Variants in GPR37 observed in about 807,000 individuals in gnomAD.
GPR37 encodes prosaposin receptor GPR37.
A neutral mutation model predicts 43.6 loss-of-function variants in GPR37; 20 were observed. The observed-to-expected ratio is 0.46, with a 90% CI of 0.32 to 0.67. The LOEUF is 0.67. Among genes scored for constraint, GPR37 ranks in the 30% least tolerant of loss-of-function variants. GPR37 has a pLI of 0.03. For missense variants in GPR37, 724 were observed against 797.2 expected (o/e 0.91, Z 1.11); for synonymous variants, 315 against 322.6 (o/e 0.98, Z 0.25).
At chr7:124,761,206 C>G (rs959299677) in intron 1 of GPR37, among the ~76,000 whole-genome samples, 1 of 151,606 alleles carries the variant, frequency 6.6e-6, no homozygotes, top group African/African-American at 2.4e-5. Context: ...GGTTTTCCAC[C>G]CAGACAGCTC....
chr7:124,759,577 T>C (rs1793829608), intron 1 of GPR37, among the ~76,000 whole-genome samples: 1 of 152,208 alleles, frequency 6.6e-6, no homozygotes, highest in Non-Finnish European at 1.5e-5. Flanking sequence ...CTGATGTGTC[T>C]AGGAGGACGG....
Position 124,758,031 on chromosome 7 carries a change from T to A in GPR37, c.1023+5923A>T, listed in dbSNP as rs1186193266. 2.6e-5 allele frequency among the ~76,000 whole-genome samples: 4 copies of A among 152,292 alleles called. No homozygotes were observed. The South Asian group carries it at 6.2e-4, about 24-fold the overall frequency. On this transcript the variant is annotated intron_variant, in intron 1 of 1. Coordinates refer to ENST00000303921, the MANE Select transcript of GPR37 (RefSeq NM_005302.5). ...AAAGCTGAATGCCAGACAATATCTA[T>A]AGAAGGGAAGTTAAAAAATCAATTT...
At position 124,764,731 on chromosome 7, in the gene GPR37, C is replaced by T. The variant is rs990289975; in HGVS notation, c.246G>A (p.Ala82=). 1 of 1,609,306 alleles carries T rather than the reference C, an allele frequency of 6.2e-7. No individual in the cohort carries two copies. Among genetic ancestry groups the T allele is most frequent in the Non-Finnish European group, 8.5e-7 (1 of 1,179,394 alleles). ...CCGCCGGCAGGTCCCAGGAGGGTCC[C>T]GCAAGAAACGCTGCCCCCTGCTCCT... is the stretch of plus-strand genomic sequence containing the variant. ...PREEQGAAFL[A]GPSWDLPAAP... The change falls in exon 1 of 2, where the codon GCG becomes GCA. Residue 82 remains alanine, a synonymous_variant. Transcript: ENST00000303921. The surrounding 1 kb of genome is among the most constrained non-coding windows in gnomAD (Gnocchi z 5.4).
intron 1 of GPR37, among the ~76,000 whole-genome samples, chr7:124,750,819 C>A (rs927748486): frequency 6.6e-6 from 1 of 152,084 alleles, no homozygotes; most frequent in African/African-American, 2.4e-5. Context: ...AATGTTTTTC[C>A]AGGTTCTTTA....
intron 1 of GPR37, among the ~76,000 whole-genome samples, chr7:124,759,511 A>G (rs1452188779): frequency 6.6e-6 from 1 of 152,170 alleles, no homozygotes; most frequent in African/African-American, 2.4e-5. Context: ...CTACATATAC[A>G]AGTTTTGTTT....
Position 124,763,961 on chromosome 7 carries a change from T to G in GPR37, c.1016A>C (p.Tyr339Ser). 6.2e-7 allele frequency: 1 copy of G among 1,613,808 alleles called. No individual in the cohort carries two copies. Among genetic ancestry groups the G allele is most frequent in the Non-Finnish European group, 8.5e-7 (1 of 1,179,992 alleles). Reference protein sequence around the residue: ...LEDFSCKIVPYIEVASLGVTT... With the variant: ...LEDFSCKIVPSIEVASLGVTT... ...GCCCCTGGAAGGCATTACCTCTATA[T>G]AGGGCACGATCTTGCAGGAGAAGTC... Residue 339 changes from tyrosine (Y) to serine (S), a missense_variant, in exon 1 of 2, where the codon TAT (tyrosine) becomes TCT (serine). Physicochemically the swap from Tyr to Ser is moderately radical, Grantham distance 144 (BLOSUM62 -2). Around this residue, in one of 2 missense-constraint regions of GPR37, gnomAD observed 342 missense variants for 441.8 expected, o/e 0.77. Transcript: ENST00000303921.
chr7:124,754,451 C>T (rs576688222), intron 1 of GPR37, among the ~76,000 whole-genome samples: 4 of 152,102 alleles, frequency 2.6e-5, no homozygotes, highest in Admixed American at 2.6e-4. Context: ...TAAATTGTGT[C>T]TTTCGCAAAA....
chr7:124,753,140 CT>C (rs1008139160), intron 1 of GPR37, among the ~76,000 whole-genome samples: 106 of 151,978 alleles, frequency 7.0e-4, no homozygotes, highest in African/African-American at 2.2e-3. Context: ...GATAAATTTT[CT>C]CTTATAATGA....
chr7:124,755,390 C>A (rs974472523), intron 1 of GPR37, among the ~76,000 whole-genome samples: 8 of 152,110 alleles, frequency 5.3e-5, no homozygotes, highest in Non-Finnish European at 1.0e-4. Context: ...CTTCTTTTGC[C>A]TAAGCTTGAT....
At chr7:124,752,159 G>C (rs962404772) in intron 1 of GPR37, among the ~76,000 whole-genome samples, 1 of 152,076 alleles carries the variant, frequency 6.6e-6, no homozygotes, top group African/African-American at 2.4e-5. Context: ...GTGAGGCTTT[G>C]GACACCAAAG....
intron 1 of GPR37, among the ~76,000 whole-genome samples, chr7:124,760,952 T>G (rs148615204): frequency 0.014 from 2,114 of 152,090 alleles, 22 homozygotes; most frequent in Middle Eastern, 0.031. Context: ...GGTCAGGAGA[T>G]CAAGACCATC....
intron 1 of GPR37, among the ~76,000 whole-genome samples, chr7:124,752,123 C>T (rs962168429): frequency 6.6e-6 from 1 of 152,104 alleles, no homozygotes; most frequent in Non-Finnish European, 1.5e-5. Context: ...GCTCCTTCAG[C>T]TCCCACCCAG....
rs373877392 is a variant in GPR37 at position 124,764,319 on chromosome 7, C to G, written c.658G>C (p.Ala220Pro). ...WTIALPGRAL[A>P]QNGSLGEGIH... ...CCTTCACCCAAGGATCCATTCTGGGCCAGCGCCCGGCCCGGGAGTGCAATT... is the reference window on the plus strand; with the variant it reads ...CCTTCACCCAAGGATCCATTCTGGGGCAGCGCCCGGCCCGGGAGTGCAATT... The change falls in exon 1 of 2, where the codon GCC becomes CCC. Residue 220 changes from alanine to proline, a missense_variant. This residue lies in a region of GPR37 where 382 missense variants were observed against 355.4 expected (regional missense o/e 1.07). Coordinates refer to ENST00000303921, the MANE Select transcript of GPR37 (RefSeq NM_005302.5). The surrounding 1 kb of genome is among the most constrained non-coding windows in gnomAD (Gnocchi z 5.4). The G allele has an allele frequency of 2.5e-6, 4 of 1,610,322 alleles. No homozygotes were observed. Among genetic ancestry groups the G allele is most frequent in the Non-Finnish European group, 3.4e-6 (4 of 1,178,210 alleles).
rs977610692 is a variant in GPR37, at chr7:124,746,186, A to G, written c.*339T>C. 6 of 174,186 alleles carry G rather than the reference A, an allele frequency of 3.4e-5. No individual in the cohort carries two copies. The highest frequency in any genetic ancestry group is 2.5e-4 in the Admixed American group (4 of 16,262). 10.8% of individuals were successfully genotyped at this position (174,186 alleles called of 1,614,324 possible). A position where few individuals can be genotyped will look rare whatever the true frequency, so the allele number is the denominator to read the frequency against. The stretch of plus-strand genomic sequence containing the variant: ...AATATAAAATAACCTACAAAATCAC[A>G]TTGCTATAATCAATATACAATAATT... On this transcript the variant is annotated 3_prime_UTR_variant, in exon 2 of 2. Transcript: ENST00000303921.
rs1421388330 is a variant in GPR37, at chr7:124,744,371, A to G, written c.*2154T>C. ...TTTCAAAACATGGTCCTATTATTAGATGGCCTTGGTGCATATTTTCTTTAA... is the reference window on the plus strand; with the variant it reads ...TTTCAAAACATGGTCCTATTATTAGGTGGCCTTGGTGCATATTTTCTTTAA... On this transcript the variant is annotated 3_prime_UTR_variant, in exon 2 of 2. Coordinates refer to ENST00000303921, the MANE Select transcript of GPR37 (RefSeq NM_005302.5). 1 of 152,194 alleles carries G rather than the reference A, an allele frequency of 6.6e-6. No individual in the cohort carries two copies. The highest frequency in any genetic ancestry group is 1.5e-5 in the Non-Finnish European group (1 of 68,032). 9.4% of individuals were successfully genotyped at this position (152,194 alleles called of 1,614,324 possible).
At chr7:124,751,971 A>G (rs578065570) in intron 1 of GPR37, among the ~76,000 whole-genome samples, 3 of 151,942 alleles carry the variant, frequency 2.0e-5, no homozygotes, top group Non-Finnish European at 4.4e-5. Flanking sequence ...AATTTTAACT[A>G]TTGGGGAAAA....
intron 1 of GPR37, among the ~76,000 whole-genome samples, chr7:124,762,029 A>G (rs1793857016): frequency 6.6e-6 from 1 of 152,156 alleles, no homozygotes; most frequent in Non-Finnish European, 1.5e-5. Context: ...AAGCAAAAAT[A>G]CAGAAAGTAA....
At chr7:124,749,929 CCA>C (rs1793713693) in intron 1 of GPR37, among the ~76,000 whole-genome samples, 1 of 152,060 alleles carries the variant, frequency 6.6e-6, no homozygotes, top group South Asian at 2.1e-4. Flanking sequence ...AAAATAATCT[CCA>C]CTTTCATCTT....
Position 124,756,401 on chromosome 7 carries a change from A to G in GPR37, c.1023+7553T>C, listed in dbSNP as rs1409715043. 6.6e-5 allele frequency among the ~76,000 whole-genome samples: 10 copies of G among 152,300 alleles called. No homozygotes were observed. The South Asian group carries it at 2.1e-3, about 32-fold the overall frequency. On this transcript the variant is annotated intron_variant, in intron 1 of 1. Coordinates refer to ENST00000303921, the MANE Select transcript of GPR37 (RefSeq NM_005302.5). Reference sequence around the variant, plus strand: ...CACTGAAAACTATTACAAATTCACAAATGGAAAGTATTCTGTCTCAAGAAC... The same window carrying G: ...CACTGAAAACTATTACAAATTCACAGATGGAAAGTATTCTGTCTCAAGAAC...
Sources: gnomAD v4.1 joint callset for allele counts (sites outside exome capture counted in the v4.1 genomes callset) on GRCh38, gnomAD v4.1.1 for gene constraint, gnomAD v4.1.1 regional missense constraint, Gnocchi (gnomAD v3.1) non-coding constraint, MANE v1.5 for transcripts, NCBI Gene and HGNC (gene_info 2026-07-23, HGNC 2026-07-21) for gene names.